BICD1: variants seen among roughly 807,000 people sequenced by gnomAD.
BICD1 encodes BICD cargo adaptor 1.
A neutral mutation model predicts 92.5 loss-of-function variants in BICD1; 35 were observed. The observed-to-expected ratio is 0.38, with a 90% CI of 0.29 to 0.50. The LOEUF (loss-of-function observed/expected upper bound fraction) is 0.50. BICD1 is among the 20% of genes least tolerant of loss of function. The pLI is 0.93. For missense variants in BICD1, 950 were observed against 1,189.8 expected, an observed-to-expected ratio of 0.80 and a Z score of 2.97; for synonymous variants, 429 against 465.1, an observed-to-expected ratio of 0.92 and a Z score of 1.00.
intron 1 of BICD1, among the ~76,000 whole-genome samples, chr12:32,112,710 G>C (rs1242961780): frequency 6.6e-6 from 1 of 152,142 alleles, no homozygotes; most frequent in Non-Finnish European, 1.5e-5. Context: ...AGATGCAATT[G>C]TGAAAGGGCC....
Position 32,227,935 on chromosome 12 carries a change from G to A in BICD1, c.426+11476G>A, listed in dbSNP as rs1483057383. On this transcript the variant is annotated intron_variant, in intron 2 of 9. Transcript: ENST00000652176. ...AGTTGATCTCACAGTCCTTCATCAGGTGAAAAGGCATCACGAAGGCTTCAT... is the reference window on the plus strand; with the variant it reads ...AGTTGATCTCACAGTCCTTCATCAGATGAAAAGGCATCACGAAGGCTTCAT... The A allele has an allele frequency of 1.6e-5, 3 of 181,972 alleles. No homozygotes were observed. In the East Asian group the frequency reaches 3.8e-4, roughly 23 times the overall value. 11.3% of individuals were successfully genotyped at this position (181,972 alleles called of 1,614,324 possible).
At chr12:32,107,828 A>G (rs1941543801) in intron 1 of BICD1, 1 of 683,854 alleles carries the variant, frequency 1.5e-6, no homozygotes, top group African/African-American at 1.8e-5. Flanking sequence ...CTCTAAGACG[A>G]CATTCAAGTG....
At chr12:32,119,453 G>C (rs902615152) in intron 1 of BICD1, among the ~76,000 whole-genome samples, 1 of 152,174 alleles carries the variant, frequency 6.6e-6, no homozygotes, top group African/African-American at 2.4e-5. Flanking sequence ...TCACTCATTG[G>C]AAGTGGAGCC....
intron 1 of BICD1, among the ~76,000 whole-genome samples, chr12:32,127,416 T>A (rs1175837189): frequency 6.6e-6 from 1 of 152,186 alleles, no homozygotes; most frequent in Non-Finnish European, 1.5e-5. Flanking sequence ...GTACCACAGG[T>A]TACTGAACAG....
chr12:32,222,796 C>T (rs766410239), intron 2 of BICD1, among the ~76,000 whole-genome samples: 3 of 152,088 alleles, frequency 2.0e-5, no homozygotes, highest in Non-Finnish European at 2.9e-5. Flanking sequence ...CCCTTTTGTC[C>T]TTTCCAGCGT....
Position 32,381,412 on chromosome 12 carries a change from C to CT in BICD1, c.*3791dup, listed in dbSNP as rs1291172107. ...AAGGATCTTCAGTCTACAACATTTG[C>CT]TTTTTTCGTGCTTTGGAAAATATCC... On this transcript the variant is annotated 3_prime_UTR_variant, in exon 10 of 10. Transcript: ENST00000652176. The CT allele has an allele frequency of 2.6e-5, 4 of 152,040 alleles. No homozygotes were observed. The highest frequency in any genetic ancestry group is 5.9e-5 in the Non-Finnish European group (4 of 67,944). 9.4% of individuals were successfully genotyped at this position (152,040 alleles called of 1,614,324 possible).
rs368686181 is a variant in BICD1 at position 32,199,179 on chromosome 12, G to A, written c.214-17068G>A. 3.9e-5 allele frequency among the ~76,000 whole-genome samples: 6 copies of A among 152,204 alleles called. No homozygotes were observed. The East Asian group carries it at 7.7e-4, about 20-fold the overall frequency. On this transcript the variant is annotated intron_variant, in intron 1 of 9. Transcript: ENST00000652176. Reference sequence around the variant, plus strand: ...ACTTCTGGCAAAAAAAGATATTGAAGATAATTAGAGTTGAAAAATTATATA... The same window carrying A: ...ACTTCTGGCAAAAAAAGATATTGAAAATAATTAGAGTTGAAAAATTATATA...
At chr12:32,370,569 T>G (rs1441569478) in intron 9 of BICD1, among the ~76,000 whole-genome samples, 1 of 152,108 alleles carries the variant, frequency 6.6e-6, no homozygotes, top group Non-Finnish European at 1.5e-5. Context: ...CACTAAATAT[T>G]GATTATACCT....
chr12:32,337,925 A>G lies in BICD1; in HGVS notation c.2570+109A>G. 8.1e-7 allele frequency: 1 copy of G among 1,234,838 alleles called. No individual in the cohort carries two copies. Among genetic ancestry groups the G allele is most frequent in the Non-Finnish European group, 1.1e-6 (1 of 871,884 alleles). 76.5% of individuals were successfully genotyped at this position (1,234,838 alleles called of 1,614,324 possible). A position where few individuals can be genotyped will look rare whatever the true frequency, so the allele number is the denominator to read the frequency against. On this transcript the variant is annotated intron_variant, in intron 7 of 9. Coordinates refer to ENST00000652176, the MANE Select transcript of BICD1 (RefSeq NM_001714.4). The surrounding 1 kb of genome is among the most constrained non-coding windows in gnomAD (Gnocchi z 4.7). ...GATGGAGGAGGGGAAGCAAAAGAAAAAATGGGAGCTGGCATATAAATGGTC... is the reference window on the plus strand; with the variant it reads ...GATGGAGGAGGGGAAGCAAAAGAAAGAATGGGAGCTGGCATATAAATGGTC...
At chr12:32,118,740 G>A (rs759186499) in intron 1 of BICD1, among the ~76,000 whole-genome samples, 15 of 152,260 alleles carry the variant, frequency 9.9e-5, no homozygotes, top group Middle Eastern at 6.8e-3. Flanking sequence ...CCCAGACTGA[G>A]GGATGACTGT....
chr12:32,151,965 T>G (rs923859911), intron 1 of BICD1, among the ~76,000 whole-genome samples: 4 of 152,116 alleles, frequency 2.6e-5, no homozygotes, highest in African/African-American at 9.7e-5. Context: ...GTTTTTTGTT[T>G]TTGTTTTTTG....
chr12:32,266,475 T>C (rs1947000012), intron 2 of BICD1, among the ~76,000 whole-genome samples: 1 of 152,184 alleles, frequency 6.6e-6, no homozygotes, highest in Non-Finnish European at 1.5e-5. Context: ...TCATGTGAGC[T>C]GCCACAACAT....
intron 1 of BICD1, among the ~76,000 whole-genome samples, chr12:32,129,549 T>A (rs77734904): frequency 3.8e-5 from 5 of 130,110 alleles, no homozygotes; most frequent in Admixed American, 3.8e-4. Flanking sequence ...AAAAAAAAAT[T>A]CTGTAAACAC....
chr12:32,334,891 A>C (rs1938037224), intron 6 of BICD1, among the ~76,000 whole-genome samples: 1 of 152,206 alleles, frequency 6.6e-6, no homozygotes, highest in Non-Finnish European at 1.5e-5. Flanking sequence ...ATTCTATTAC[A>C]TAAAAATATT....
intron 1 of BICD1, among the ~76,000 whole-genome samples, chr12:32,157,820 C>T (rs1190863403): frequency 6.6e-6 from 1 of 152,064 alleles, no homozygotes; most frequent in Non-Finnish European, 1.5e-5. Context: ...CTGCAGTGTG[C>T]TGATGGTTGG....
intron 8 of BICD1, chr12:32,340,548 G>A: frequency 1.1e-6 from 1 of 904,762 alleles, no homozygotes; most frequent in Non-Finnish European, 1.3e-6. Context: ...TCCTATTGCT[G>A]TTTAATTAAA....
intron 2 of BICD1, among the ~76,000 whole-genome samples, chr12:32,273,250 T>C (rs1221852939): frequency 6.6e-6 from 1 of 152,220 alleles, no homozygotes; most frequent in Non-Finnish European, 1.5e-5. Flanking sequence ...TCTACTCTCA[T>C]AGCCTCGATT....
chr12:32,155,132 C>T (rs1251588952), intron 1 of BICD1, among the ~76,000 whole-genome samples: 1 of 151,984 alleles, frequency 6.6e-6, no homozygotes. Flanking sequence ...GTTTTTAAAT[C>T]CACAGTGTAG....
rs2121497974 is a variant in BICD1, at chr12:32,161,802, A to C, written c.213+54258A>C. The stretch of plus-strand genomic sequence containing the variant: ...TACTTGTCATTGTATTTGTCATTCT[A>C]TGCCATGTCTATCACCTGGCATAGA... On this transcript the variant is annotated intron_variant, in intron 1 of 9. Coordinates refer to ENST00000652176, the MANE Select transcript of BICD1 (RefSeq NM_001714.4). Among the ~76,000 whole-genome samples, 3 of 152,340 alleles carry C rather than the reference A, an allele frequency of 2.0e-5. 1 individual carries two copies. In the South Asian group the frequency reaches 6.2e-4, roughly 32 times the overall value.
Sources: allele counts gnomAD v4.1 joint callset (sites outside exome capture counted in the v4.1 genomes callset), GRCh38; gene constraint gnomAD v4.1.1; non-coding constraint Gnocchi (gnomAD v3.1); transcripts MANE v1.5; gene names NCBI Gene and HGNC (gene_info 2026-07-23, HGNC 2026-07-21).